Variants in TMEM132B observed in about 807,000 individuals in gnomAD.
TMEM132B encodes transmembrane protein 132B.
A neutral mutation model predicts 90.8 loss-of-function variants in TMEM132B; 18 were observed. The observed-to-expected ratio is 0.20, with a 90% CI of 0.14 to 0.29. The LOEUF (loss-of-function observed/expected upper bound fraction) is 0.29, where lower values mean the gene tolerates loss of function less well. Among genes scored for constraint, TMEM132B ranks in the 10% least tolerant of loss-of-function variants. The probability of loss-of-function intolerance (pLI) is 1.00; values close to 1 mark genes in which losing one functional copy is unlikely to be tolerated. For synonymous variants in TMEM132B, 504 were observed against 523.3 expected (o/e 0.96, Z 0.50); for missense variants, 1,096 against 1,326.8 (o/e 0.83, Z 2.70).
chr12:125,409,102 C>A (rs1879606079), intron 2 of TMEM132B, among the ~76,000 whole-genome samples: 1 of 152,192 alleles, frequency 6.6e-6, no homozygotes, highest in African/African-American at 2.4e-5. Context: ...TATGTGCTCA[C>A]AGGTACTCTC....
intron 5 of TMEM132B, among the ~76,000 whole-genome samples, chr12:125,592,599 A>G (rs886592): frequency 0.076 from 11,622 of 152,240 alleles, 806 homozygotes; most frequent in African/African-American, 0.17. Context: ...GTCACTAGAT[A>G]AAGCCTGATG....
chr12:125,240,154 G>T (rs1874033586), intron 1 of TMEM132B, among the ~76,000 whole-genome samples: 1 of 152,118 alleles, frequency 6.6e-6, no homozygotes, highest in African/African-American at 2.4e-5. Flanking sequence ...TTGCCCCTGG[G>T]AAAAACAACT....
chr12:125,617,450 A>G (rs1886015577), intron 5 of TMEM132B, among the ~76,000 whole-genome samples: 1 of 151,724 alleles, frequency 6.6e-6, no homozygotes, highest in East Asian at 1.9e-4. Context: ...GGTTCGAGCA[A>G]TTCTCCTGCC....
rs537666466 is a variant in TMEM132B, at chr12:125,433,388, T to C, written c.1106+17711T>C. 2.0e-3 allele frequency among the ~76,000 whole-genome samples: 302 copies of C among 152,266 alleles called. 3 individuals are homozygous for C. The highest frequency in any genetic ancestry group is 6.7e-3 in the African/African-American group (279 of 41,562). On this transcript the variant is annotated intron_variant, in intron 3 of 8. Transcript: ENST00000682704. ...AATGGCTTTATTTCTGGAAGGACCCTCGGGTCATTCCTCTTTCAAACACTC... is the reference window on the plus strand; with the variant it reads ...AATGGCTTTATTTCTGGAAGGACCCCCGGGTCATTCCTCTTTCAAACACTC...
chr12:125,494,757 T>A (rs1470095629), intron 3 of TMEM132B, among the ~76,000 whole-genome samples: 2 of 50,226 alleles, frequency 4.0e-5, no homozygotes, highest in Non-Finnish European at 7.4e-5. Flanking sequence ...CTCTCCCTCC[T>A]CCCTGGAAAT....
intron 1 of TMEM132B, among the ~76,000 whole-genome samples, chr12:125,194,275 G>C (rs953537000): frequency 2.0e-5 from 3 of 152,016 alleles, no homozygotes; most frequent in Non-Finnish European, 2.9e-5. Flanking sequence ...CGTTGGTGGG[G>C]GGGTCTTACT....
Position 125,406,720 on chromosome 12 carries a change from C to G in TMEM132B, c.960-8811C>G, listed in dbSNP as rs946614076. On this transcript the variant is annotated intron_variant, in intron 2 of 8. Transcript: ENST00000682704. This position sits in a 1 kb window ranked among gnomAD's most constrained non-coding sequence, Gnocchi z 8.3. ...AAGACTTGACCCACCCACTGGAAAG[C>G]TGGGAAGGTCTCAAGACCACCCTCA... 3.3e-5 allele frequency among the ~76,000 whole-genome samples: 5 copies of G among 152,198 alleles called. No homozygotes were observed. The highest frequency in any genetic ancestry group is 1.2e-4 in the African/African-American group (5 of 41,442).
rs1311709804 is a variant in TMEM132B at position 125,563,259 on chromosome 12, A to G, written c.1294-20592A>G. 2.0e-5 allele frequency among the ~76,000 whole-genome samples: 3 copies of G among 151,968 alleles called. No individual in the cohort carries two copies. The East Asian group carries it at 5.8e-4, about 29-fold the overall frequency. ...TAAGTGAGCACATGCTGCTGGAAAAATGGTGCTAATAGACTTGCTCGATGA... is the reference window on the plus strand; with the variant it reads ...TAAGTGAGCACATGCTGCTGGAAAAGTGGTGCTAATAGACTTGCTCGATGA... On this transcript the variant is annotated intron_variant, in intron 4 of 8. Coordinates refer to ENST00000682704, the MANE Select transcript of TMEM132B (RefSeq NM_001366854.1).
intron 4 of TMEM132B, among the ~76,000 whole-genome samples, chr12:125,537,011 T>C (rs1883820751): frequency 6.6e-6 from 1 of 152,208 alleles, no homozygotes; most frequent in South Asian, 2.1e-4. Context: ...AATCAGAGTG[T>C]ATCTGATTTG....
chr12:125,283,914 G>A (rs1282202351), intron 1 of TMEM132B, among the ~76,000 whole-genome samples: 3 of 152,186 alleles, frequency 2.0e-5, no homozygotes, highest in African/African-American at 7.2e-5. Flanking sequence ...TAAAGGAATC[G>A]AGGTCCAGGA....
At chr12:125,481,581 C>G (rs1000304093) in intron 3 of TMEM132B, among the ~76,000 whole-genome samples, 3 of 152,086 alleles carry the variant, frequency 2.0e-5, no homozygotes, top group African/African-American at 7.2e-5. Flanking sequence ...AACTACAAAC[C>G]ACTGCTCAAC....
chr12:125,330,138 A>G (rs1168640202), intron 1 of TMEM132B, among the ~76,000 whole-genome samples: 1 of 152,142 alleles, frequency 6.6e-6, no homozygotes, highest in African/African-American at 2.4e-5. Context: ...CCGCTTCCAA[A>G]TAGAATTTCA....
rs1036836318 is a variant in TMEM132B at position 125,415,447 on chromosome 12, T to A, written c.960-84T>A. On this transcript the variant is annotated intron_variant, in intron 2 of 8. Transcript: ENST00000682704. The surrounding 1 kb of genome is among the most constrained non-coding windows in gnomAD (Gnocchi z 5.3). ...GATGTTACAGATGCTTTCCCAGTGA[T>A]CTGCTCTCGTGCCATCTTTTACTAC... is the stretch of plus-strand genomic sequence containing the variant. 7.4e-6 allele frequency: 11 copies of A among 1,494,642 alleles called. No individual in the cohort carries two copies. The African/African-American group carries it at 1.5e-4, about 21-fold the overall frequency. 92.6% of individuals were successfully genotyped at this position (1,494,642 alleles called of 1,614,324 possible). A position where few individuals can be genotyped will look rare whatever the true frequency, so the allele number is the denominator to read the frequency against.
chr12:125,640,683 C>CACAGTGTTAG (rs199715248), intron 5 of TMEM132B, among the ~76,000 whole-genome samples: 31,726 of 151,882 alleles, frequency 0.21, 3,812 homozygotes, highest in Admixed American at 0.36. Flanking sequence ...GGTGCCGGCT[C>CACAGTGTTAG]ACACACGCAA....
chr12:125,342,989 T>A (rs1877237529), intron 1 of TMEM132B, among the ~76,000 whole-genome samples: 2 of 152,236 alleles, frequency 1.3e-5, no homozygotes, highest in Non-Finnish European at 2.9e-5. Flanking sequence ...CTTTCTTTTT[T>A]GATTCTATAA....
chr12:125,605,694 T>G (rs187484606), intron 5 of TMEM132B, among the ~76,000 whole-genome samples: 4 of 152,332 alleles, frequency 2.6e-5, no homozygotes, highest in African/African-American at 9.6e-5. Context: ...TACACTTTCT[T>G]AAGTACTTTT....
intron 2 of TMEM132B, among the ~76,000 whole-genome samples, chr12:125,380,524 A>G (rs1363193194): frequency 6.6e-6 from 1 of 152,192 alleles, no homozygotes; most frequent in African/African-American, 2.4e-5. Context: ...CACAGCACCA[A>G]GGAGTTTATG....
At chr12:125,478,805 A>G (rs1190767418) in intron 3 of TMEM132B, among the ~76,000 whole-genome samples, 1 of 152,190 alleles carries the variant, frequency 6.6e-6, no homozygotes. Flanking sequence ...AAGACACATA[A>G]TTGTCAGATT....
chr12:125,579,968 G>A (rs539645365), intron 4 of TMEM132B, among the ~76,000 whole-genome samples: 1 of 152,194 alleles, frequency 6.6e-6, no homozygotes, highest in East Asian at 1.9e-4. Context: ...TGATTGCTTA[G>A]TGACTTTTAT....
Sources: gnomAD v4.1 joint callset for allele counts (sites outside exome capture counted in the v4.1 genomes callset) on GRCh38, gnomAD v4.1.1 for gene constraint, Gnocchi (gnomAD v3.1) non-coding constraint, MANE v1.5 for transcripts, NCBI Gene and HGNC (gene_info 2026-07-23, HGNC 2026-07-21) for gene names.